The following FSIP1 variants were observed in gnomAD, a reference collection of about 807,000 sequenced individuals.
FSIP1 encodes the protein fibrous sheath interacting protein 1.
A neutral mutation model predicts 60.9 loss-of-function variants in FSIP1; 65 were observed. The observed-to-expected ratio is 1.07, with a 90% CI of 0.87 to 1.31. FSIP1 has a LOEUF of 1.31. FSIP1 is among the 40% of genes most tolerant of loss of function. The pLI is 0.00. For synonymous variants in FSIP1, 209 were observed against 221.2 expected, an observed-to-expected ratio of 0.94 and a Z score of 0.49; for missense variants, 675 against 665.5, an observed-to-expected ratio of 1.01 and a Z score of -0.16.
intron 10 of FSIP1, among the ~76,000 whole-genome samples, chr15:39,692,297 T>A (rs923843903): frequency 6.6e-6 from 1 of 152,224 alleles, no homozygotes; most frequent in African/African-American, 2.4e-5. Flanking sequence ...ATAGCTTATG[T>A]GTGAAATGCT....
intron 5 of FSIP1, among the ~76,000 whole-genome samples, chr15:39,742,565 G>A (rs965941317): frequency 2.6e-5 from 4 of 152,180 alleles, no homozygotes; most frequent in African/African-American, 7.2e-5. Flanking sequence ...GTACCCTAAT[G>A]TGAGGGAATC....
chr15:39,771,707 C>T (rs559996908), intron 2 of FSIP1, among the ~76,000 whole-genome samples: 4 of 152,254 alleles, frequency 2.6e-5, no homozygotes, highest in African/African-American at 7.2e-5. Flanking sequence ...TAGCAGAAAA[C>T]GAAACTAGTG....
At chr15:39,703,682 A>T (rs968285609) in intron 10 of FSIP1, among the ~76,000 whole-genome samples, 2 of 152,212 alleles carry the variant, frequency 1.3e-5, no homozygotes, top group East Asian at 3.8e-4. Context: ...CCACCATGGC[A>T]CATGTATACC....
rs1896678898 is a variant in FSIP1, at chr15:39,738,157, C to T, written c.825G>A (p.Glu275=). The change falls in exon 8 of 12, where the codon GAG becomes GAA. Residue 275 remains glutamate (E), a synonymous_variant. Transcript: ENST00000350221. ...SRNPVVMVDR[E]KKRLVELLKD... ...TCAAAAGCTCAACCAGCCTTTTCTTCTCTCTGTCAACCATAACCACTGGGT... is the reference window on the plus strand; with the variant it reads ...TCAAAAGCTCAACCAGCCTTTTCTTTTCTCTGTCAACCATAACCACTGGGT... 1 of 1,613,498 alleles carries T rather than the reference C, an allele frequency of 6.2e-7. No individual in the cohort carries two copies. The highest frequency in any genetic ancestry group is 8.5e-7 in the Non-Finnish European group (1 of 1,179,804).
At chr15:39,693,066 C>G (rs1274111971) in intron 10 of FSIP1, among the ~76,000 whole-genome samples, 2 of 152,220 alleles carry the variant, frequency 1.3e-5, no homozygotes, top group Admixed American at 6.5e-5. Context: ...AATAACAAAA[C>G]TGACATTAGC....
intron 10 of FSIP1, among the ~76,000 whole-genome samples, chr15:39,625,178 G>A (rs570523759): frequency 1.3e-5 from 2 of 152,162 alleles, no homozygotes; most frequent in Non-Finnish European, 2.9e-5. Context: ...GGCTGCTGTG[G>A]CCCTGGGCAT....
At chr15:39,690,506 G>GCAA (rs1418643317) in intron 10 of FSIP1, among the ~76,000 whole-genome samples, 1 of 152,082 alleles carries the variant, frequency 6.6e-6, no homozygotes, top group Admixed American at 6.6e-5. Flanking sequence ...TATGTTATTA[G>GCAA]CAACAATTCC....
At chr15:39,634,603 T>C (rs1892050684) in intron 10 of FSIP1, among the ~76,000 whole-genome samples, 1 of 152,260 alleles carries the variant, frequency 6.6e-6, no homozygotes, top group Non-Finnish European at 1.5e-5. Flanking sequence ...ATTTCATTTT[T>C]TGGCCAAGAA....
In FSIP1 at chr15:39,714,972, C is replaced by CAAA. The variant is rs34491210; in HGVS notation, c.1051-1394_1051-1392dup. Among the ~76,000 whole-genome samples the CAAA allele has an allele frequency of 9.8e-4, 88 of 89,450 alleles. 1 individual carries two copies. The highest frequency in any genetic ancestry group is 3.4e-3 in the African/African-American group (74 of 22,036). 58.7% of individuals were successfully genotyped at this position (89,450 alleles called of 152,430 possible). A position where few individuals can be genotyped will look rare whatever the true frequency, so the allele number is the denominator to read the frequency against. ...TGGGCAACAGAATGAGACTCTGTCT[C>CAAA]AAAAAAAAAAAAAAAAAAAAGGACT... On this transcript the variant is annotated intron_variant, in intron 9 of 11. Transcript: ENST00000350221.
At position 39,770,552 on chromosome 15, in the gene FSIP1, G is replaced by C; in HGVS notation, c.185C>G (p.Thr62Arg). ...GKEDHSESSN[T>R]ENRRTSNDDK... ...ATCATTACTAGTTCTTCTGTTCTCT[G>C]TATTACTGCTTTCGGAGTGGTCCTC... Residue 62 changes from threonine to arginine, a missense_variant, in exon 3 of 12, where the codon ACA becomes AGA. By Grantham distance (71) the Thr-to-Arg change is moderately conservative (BLOSUM62 -1). Coordinates refer to ENST00000350221, the MANE Select transcript of FSIP1 (RefSeq NM_152597.5). 6.2e-7 allele frequency: 1 copy of C among 1,604,076 alleles called. No individual in the cohort carries two copies. Among genetic ancestry groups the C allele is most frequent in the Non-Finnish European group, 8.5e-7 (1 of 1,177,072 alleles).
intron 10 of FSIP1, among the ~76,000 whole-genome samples, chr15:39,623,263 G>A (rs1891510714): frequency 6.6e-6 from 1 of 152,112 alleles, no homozygotes; most frequent in Non-Finnish European, 1.5e-5. Flanking sequence ...TTCTTGACAA[G>A]GCAATCAAGA....
chr15:39,738,389 A>G (rs1341627689), intron 7 of FSIP1, among the ~76,000 whole-genome samples, 188 bp from the exon 8 acceptor site: 29 of 150,200 alleles, frequency 1.9e-4, no homozygotes, highest in Non-Finnish European at 2.9e-5. Context: ...TCTAATATCC[A>G]AAGATATTAT....
At chr15:39,711,242 G>A (rs1292812020) in intron 10 of FSIP1, among the ~76,000 whole-genome samples, 1 of 152,086 alleles carries the variant, frequency 6.6e-6, no homozygotes, top group Non-Finnish European at 1.5e-5. Context: ...GCCTAGTAAG[G>A]GCCCATTTCC....
At chr15:39,689,932 C>T (rs1316267740) in intron 10 of FSIP1, among the ~76,000 whole-genome samples, 1 of 152,168 alleles carries the variant, frequency 6.6e-6, no homozygotes, top group Non-Finnish European at 1.5e-5. Flanking sequence ...CATTCAAAAC[C>T]AGCCTTTTAG....
chr15:39,770,391 A>G (rs776525379), intron 3 of FSIP1, 36 bp downstream of exon 3: 1 of 1,402,648 alleles, frequency 7.1e-7, no homozygotes, highest in Non-Finnish European at 9.6e-7. Context: ...TAACATTTGT[A>G]ATTATCATTA....
At chr15:39,649,823 T>C (rs1892793433) in intron 10 of FSIP1, among the ~76,000 whole-genome samples, 2 of 152,220 alleles carry the variant, frequency 1.3e-5, no homozygotes, top group Non-Finnish European at 2.9e-5. Flanking sequence ...TCCCCAACCT[T>C]TTCATTCTAA....
chr15:39,728,780 C>T (rs1361539417), intron 8 of FSIP1, among the ~76,000 whole-genome samples: 2 of 152,180 alleles, frequency 1.3e-5, no homozygotes, highest in African/African-American at 2.4e-5. Flanking sequence ...AATTAAAGAG[C>T]TTCTGCACAG....
chr15:39,674,789 T>C (rs890275087), intron 10 of FSIP1, among the ~76,000 whole-genome samples: 95 of 98,878 alleles, frequency 9.6e-4, no homozygotes, highest in African/African-American at 2.5e-3. Flanking sequence ...AAAAAGTATT[T>C]TTTAAAGACA....
intron 10 of FSIP1, among the ~76,000 whole-genome samples, chr15:39,709,219 T>C (rs922724706): frequency 6.6e-6 from 1 of 152,126 alleles, no homozygotes; most frequent in African/African-American, 2.4e-5. Context: ...ATGGGTTTGA[T>C]CCCTAGATCA....
Sources: gnomAD v4.1 joint callset for allele counts (sites outside exome capture counted in the v4.1 genomes callset) on GRCh38, gnomAD v4.1.1 for gene constraint, MANE v1.5 for transcripts, NCBI Gene and HGNC (gene_info 2026-07-23, HGNC 2026-07-21) for gene names.